Variants in IL1RAPL2 observed in about 807,000 individuals in gnomAD.
The protein encoded by IL1RAPL2 is interleukin 1 receptor accessory protein like 2.
In IL1RAPL2, 3 loss-of-function variants were observed where a neutral mutation model predicts 44.1. That is an observed-to-expected ratio of 0.07 (90% CI 0.03 to 0.18). IL1RAPL2 has a LOEUF of 0.18. IL1RAPL2 is among the 10% of genes least tolerant of loss of function. The probability of loss-of-function intolerance (pLI) is 1.00; values close to 1 mark genes in which losing one functional copy is unlikely to be tolerated. For synonymous variants in IL1RAPL2, 181 were observed against 178.8 expected, an observed-to-expected ratio of 1.01 and a Z score of -0.10; for missense variants, 391 against 496.4, an observed-to-expected ratio of 0.79 and a Z score of 2.02.
chrX:104,970,875 C>T (rs943341081), intron 2 of IL1RAPL2, among the ~76,000 whole-genome samples: 1 of 111,958 alleles, frequency 8.9e-6, no homozygotes, highest in African/African-American at 3.2e-5. Context: ...ATCTCTGGAT[C>T]TTATCTAAGG....
chrX:104,758,587 G>T (rs1416014310), intron 2 of IL1RAPL2, among the ~76,000 whole-genome samples: 1 of 111,410 alleles, frequency 9.0e-6, no homozygotes. Context: ...ATACAGTTAT[G>T]AGTGACTGAA....
chrX:105,380,958 T>G lies in IL1RAPL2; in HGVS notation c.698-103355T>G, dbSNP rs772134518. ...ATCATATTAGCTATTATTTACTATG[T>G]GCCCACTATGGCCAGGAATGTTATT... On this transcript the variant is annotated intron_variant, in intron 5 of 10. Transcript: ENST00000372582. 3.6e-5 allele frequency among the ~76,000 whole-genome samples: 4 copies of G among 111,633 alleles called. No individual in the cohort carries two copies. In the South Asian group the frequency reaches 1.5e-3, roughly 42 times the overall value.
intron 5 of IL1RAPL2, among the ~76,000 whole-genome samples, chrX:105,389,333 C>T (rs2035504242): frequency 8.9e-6 from 1 of 112,041 alleles, no homozygotes; most frequent in South Asian, 3.7e-4. Flanking sequence ...TCATTGGTCT[C>T]CTCACTCTCT....
intron 1 of IL1RAPL2, among the ~76,000 whole-genome samples, chrX:104,650,338 C>G (rs758656808): frequency 6.3e-5 from 7 of 111,889 alleles, no homozygotes; most frequent in Admixed American, 9.5e-5. Context: ...AAATCACCAA[C>G]AGGAAAAAGT....
At chrX:104,944,286 TCTC>T (rs1925284413) in intron 2 of IL1RAPL2, among the ~76,000 whole-genome samples, 1 of 111,999 alleles carries the variant, frequency 8.9e-6, no homozygotes, top group Non-Finnish European at 1.9e-5. Context: ...TTTCTAAACA[TCTC>T]CTCTAGAGTA....
intron 10 of IL1RAPL2, among the ~76,000 whole-genome samples, chrX:105,763,609 A>G (rs1461645003): frequency 9.1e-6 from 1 of 110,489 alleles, no homozygotes; most frequent in Non-Finnish European, 1.9e-5. Context: ...AAAGAGAATA[A>G]AAGGGCAGAA....
In IL1RAPL2 at chrX:104,980,494, A is replaced by G. The variant is rs758187251; in HGVS notation, c.83-214981A>G. Among the ~76,000 whole-genome samples the G allele has an allele frequency of 1.3e-4, 15 of 112,300 alleles. No homozygotes were observed. In the Middle Eastern group the frequency reaches 0.014, roughly 104 times the overall value. On this transcript the variant is annotated intron_variant, in intron 2 of 10. Coordinates refer to ENST00000372582, the MANE Select transcript of IL1RAPL2 (RefSeq NM_017416.2). The stretch of plus-strand genomic sequence containing the variant: ...CCTTTGCAAGGCTTCTCTCTATTTT[A>G]TCTCTAAATAGAAGACACACTCCAT...
At chrX:104,931,891 G>T (rs1924907560) in intron 2 of IL1RAPL2, among the ~76,000 whole-genome samples, 1 of 108,610 alleles carries the variant, frequency 9.2e-6, no homozygotes, top group Non-Finnish European at 1.9e-5. Context: ...TTAATACTGT[G>T]AAAAGACTTT....
At chrX:105,369,145 T>G (rs1469886336) in intron 5 of IL1RAPL2, among the ~76,000 whole-genome samples, 1 of 110,554 alleles carries the variant, frequency 9.0e-6, no homozygotes, top group African/African-American at 3.3e-5. Flanking sequence ...AAATCACATA[T>G]CTCCATTTCA....
intron 2 of IL1RAPL2, among the ~76,000 whole-genome samples, chrX:104,786,000 C>G (rs1231617194): frequency 8.9e-6 from 1 of 112,431 alleles, no homozygotes; most frequent in Non-Finnish European, 1.9e-5. Context: ...ACTTTGACAT[C>G]TGCTCTTCAG....
chrX:105,691,610 G>C (rs953237708), intron 6 of IL1RAPL2, among the ~76,000 whole-genome samples: 8 of 111,796 alleles, frequency 7.2e-5, no homozygotes, highest in Admixed American at 1.9e-4. Flanking sequence ...TTAGAGCCAA[G>C]TAAAGACATG....
At chrX:105,189,123 G>A (rs782187284) in intron 2 of IL1RAPL2, among the ~76,000 whole-genome samples, 13 of 112,671 alleles carry the variant, frequency 1.2e-4, no homozygotes, top group African/African-American at 3.5e-4. Flanking sequence ...TTAGGAAAAA[G>A]AGCACAACAT....
At chrX:104,816,096 T>C (rs935222015) in intron 2 of IL1RAPL2, among the ~76,000 whole-genome samples, 8 of 111,499 alleles carry the variant, frequency 7.2e-5, no homozygotes, top group Admixed American at 4.8e-4. Context: ...ATTCTACTTC[T>C]GATGCTTCAG....
At chrX:105,545,314 T>C (rs900607058) in intron 6 of IL1RAPL2, among the ~76,000 whole-genome samples, 2 of 112,178 alleles carry the variant, frequency 1.8e-5, no homozygotes, top group African/African-American at 6.5e-5. Context: ...TTTTGAAGGA[T>C]AGTTTCACTG....
At chrX:105,172,264 G>A (rs1440970826) in intron 2 of IL1RAPL2, among the ~76,000 whole-genome samples, 1 of 112,564 alleles carries the variant, frequency 8.9e-6, no homozygotes, top group Non-Finnish European at 1.9e-5. Context: ...GGATTAAGAA[G>A]TTATATTAGT....
intron 1 of IL1RAPL2, among the ~76,000 whole-genome samples, chrX:104,568,389 G>A (rs1008749780): frequency 9.0e-6 from 1 of 111,532 alleles, no homozygotes; most frequent in Admixed American, 9.5e-5. Context: ...GAATGAAGGA[G>A]TTAAGTTTTT....
chrX:105,379,123 T>A, intron 5 of IL1RAPL2, among the ~76,000 whole-genome samples: 2 of 111,654 alleles, frequency 1.8e-5, no homozygotes, highest in Middle Eastern at 4.6e-3. Context: ...CAGTATTCTA[T>A]GGGGGGTCGA....
chrX:105,091,407 T>C (rs1241681629), intron 2 of IL1RAPL2, among the ~76,000 whole-genome samples: 3 of 111,920 alleles, frequency 2.7e-5, no homozygotes, highest in Non-Finnish European at 5.7e-5. Context: ...GAATTAGCCT[T>C]AGAACAAGAG....
At chrX:105,351,450 G>A (rs1171520353) in intron 5 of IL1RAPL2, among the ~76,000 whole-genome samples, 1 of 111,684 alleles carries the variant, frequency 9.0e-6, no homozygotes, top group Non-Finnish European at 1.9e-5. Context: ...CTATGCAGCT[G>A]TATAAAAGGA....
Sources: gnomAD v4.1 joint callset for allele counts (sites outside exome capture counted in the v4.1 genomes callset) on GRCh38, gnomAD v4.1.1 for gene constraint, MANE v1.5 for transcripts, NCBI Gene and HGNC (gene_info 2026-07-23, HGNC 2026-07-21) for gene names.